KHDRBS2: variants seen among roughly 807,000 people sequenced by gnomAD.
KHDRBS2 encodes KH RNA binding domain containing, signal transduction associated 2, also known as KH domain-containing, RNA-binding, signal transduction-associated protein 2.
KHDRBS2 carries 26 observed loss-of-function variants against 44.3 expected under a neutral mutation model. The observed-to-expected ratio is 0.59, with a 90% CI of 0.43 to 0.81. The LOEUF (loss-of-function observed/expected upper bound fraction) is 0.81. Among genes scored for constraint, KHDRBS2 ranks in the 40% least tolerant of loss-of-function variants. The pLI is 0.00. For synonymous variants in KHDRBS2, 194 were observed against 151.1 expected, an observed-to-expected ratio of 1.28 and a Z score of -2.08; for missense variants, 476 against 433.1, an observed-to-expected ratio of 1.10 and a Z score of -0.88.
intron 1 of KHDRBS2, among the ~76,000 whole-genome samples, chr6:62,237,197 G>A (rs1033578946): frequency 2.6e-5 from 4 of 152,034 alleles, no homozygotes; most frequent in African/African-American, 9.7e-5. Flanking sequence ...AGAAGATAGA[G>A]GCTCTAAAAG....
At chr6:61,796,775 T>C (rs1454849049) in intron 6 of KHDRBS2, among the ~76,000 whole-genome samples, 1 of 152,148 alleles carries the variant, frequency 6.6e-6, no homozygotes, top group Admixed American at 6.6e-5. Flanking sequence ...CTGACAGACA[T>C]TTAAAAGATG....
intron 3 of KHDRBS2, among the ~76,000 whole-genome samples, chr6:62,032,367 A>G (rs1784496677): frequency 6.6e-6 from 1 of 151,942 alleles, no homozygotes; most frequent in Non-Finnish European, 1.5e-5. Context: ...CCTAGACTGT[A>G]TCCTTCTCCC....
intron 4 of KHDRBS2, among the ~76,000 whole-genome samples, chr6:61,928,051 G>T (rs1809303499): frequency 6.6e-6 from 1 of 152,044 alleles, no homozygotes; most frequent in Non-Finnish European, 1.5e-5. Context: ...GGAAATACCT[G>T]CTGGGTTCTG....
At chr6:61,660,883 C>G in the KHDRBS2 span, among the ~76,000 whole-genome samples, 1 of 151,882 alleles carries the variant, frequency 6.6e-6, no homozygotes, top group Non-Finnish European at 1.5e-5. Flanking sequence ...TTCTTCTCCA[C>G]AGAAACTTTT....
intron 8 of KHDRBS2, among the ~76,000 whole-genome samples, chr6:61,695,713 T>A (rs2127543361): frequency 6.6e-6 from 1 of 152,256 alleles, no homozygotes; most frequent in East Asian, 1.9e-4. Flanking sequence ...ATACAAAATA[T>A]CTGTAACTAA....
chr6:61,562,420 A>G, the KHDRBS2 span, among the ~76,000 whole-genome samples: 1 of 152,170 alleles, frequency 6.6e-6, no homozygotes, highest in Non-Finnish European at 1.5e-5. Flanking sequence ...TTCTAGTATA[A>G]AGACTAATAC....
At chr6:62,094,409 A>T (rs558123305) in intron 2 of KHDRBS2, among the ~76,000 whole-genome samples, 2 of 151,854 alleles carry the variant, frequency 1.3e-5, no homozygotes, top group East Asian at 3.9e-4. Flanking sequence ...TGAATTATTT[A>T]AATTCCTTAT....
chr6:62,186,885 C>T (rs374028438), intron 1 of KHDRBS2, among the ~76,000 whole-genome samples: 3 of 151,938 alleles, frequency 2.0e-5, no homozygotes, highest in South Asian at 2.1e-4. Context: ...TACATGTAGT[C>T]GTCCCATTTC....
At chr6:62,030,833 T>A (rs1054890177) in intron 3 of KHDRBS2, among the ~76,000 whole-genome samples, 1 of 152,116 alleles carries the variant, frequency 6.6e-6, no homozygotes, top group South Asian at 2.1e-4. Flanking sequence ...CAAAGACATA[T>A]ATAAATCGTC....
At chr6:62,241,335 T>C (rs931677918) in intron 1 of KHDRBS2, among the ~76,000 whole-genome samples, 2 of 152,200 alleles carry the variant, frequency 1.3e-5, no homozygotes, top group African/African-American at 4.8e-5. Context: ...GTCTTTTTAC[T>C]CTTTTTTATA....
At chr6:62,010,777 A>G (rs1261756202) in intron 3 of KHDRBS2, among the ~76,000 whole-genome samples, 1 of 152,212 alleles carries the variant, frequency 6.6e-6, no homozygotes, top group South Asian at 2.1e-4. Context: ...TAGTTTAAAA[A>G]AACCTCATCT....
chr6:61,956,918 C>CATCATCATCATT (rs1285827612), intron 4 of KHDRBS2, among the ~76,000 whole-genome samples: 1 of 151,528 alleles, frequency 6.6e-6, no homozygotes, highest in Non-Finnish European at 1.5e-5. Flanking sequence ...TCATCATCAT[C>CATCATCATCATT]ATCATCATCA....
At chr6:61,950,841 A>G (rs1035772608) in intron 4 of KHDRBS2, among the ~76,000 whole-genome samples, 1 of 152,060 alleles carries the variant, frequency 6.6e-6, no homozygotes, top group African/African-American at 2.4e-5. Context: ...TAAATATGAA[A>G]TGTACTAAAT....
chr6:62,253,353 T>C (rs1836851553), intron 1 of KHDRBS2, among the ~76,000 whole-genome samples: 1 of 152,028 alleles, frequency 6.6e-6, no homozygotes, highest in Admixed American at 6.6e-5. Context: ...GACTGTCCTC[T>C]ATATGGTCCT....
chr6:61,966,298 T>C (rs1769921936), intron 4 of KHDRBS2, among the ~76,000 whole-genome samples: 1 of 152,088 alleles, frequency 6.6e-6, no homozygotes, highest in South Asian at 2.1e-4. Flanking sequence ...TGAGGCAAAA[T>C]GATCTGTACT....
intron 2 of KHDRBS2, among the ~76,000 whole-genome samples, chr6:62,135,268 G>A (rs1012189396): frequency 2.0e-5 from 3 of 152,096 alleles, no homozygotes; most frequent in Non-Finnish European, 4.4e-5. Flanking sequence ...CCTTTTGCTT[G>A]GCTCTCATTC....
chr6:61,628,210 CTTTTTTTTTTTTT>C, the KHDRBS2 span, among the ~76,000 whole-genome samples: 2 of 82,312 alleles, frequency 2.4e-5, no homozygotes, highest in African/African-American at 5.5e-5. Context: ...CATGTGTAGC[CTTTTTTTTTTTTT>C]TTTTTTTTTT....
At chr6:61,674,671 C>T in the KHDRBS2 span, among the ~76,000 whole-genome samples, 1 of 151,622 alleles carries the variant, frequency 6.6e-6, no homozygotes, top group Non-Finnish European at 1.5e-5. Flanking sequence ...CTATACAATT[C>T]AGTATTTTCA....
rs1357300036 is a variant in KHDRBS2 at position 61,973,690 on chromosome 6, C to T, written c.483+4376G>A. On this transcript the variant is annotated intron_variant, in intron 4 of 8. Transcript: ENST00000281156. The stretch of plus-strand genomic sequence containing the variant: ...TAACAGTTACACACATACACACACA[C>T]GTTTACATAAGTATATAAGTTATAT... 3.3e-5 allele frequency among the ~76,000 whole-genome samples: 5 copies of T among 151,982 alleles called. No homozygotes were observed. In the South Asian group the frequency reaches 1.0e-3, roughly 32 times the overall value.
Sources: gnomAD v4.1 joint callset for allele counts (sites outside exome capture counted in the v4.1 genomes callset) on GRCh38, gnomAD v4.1.1 for gene constraint, MANE v1.5 for transcripts, NCBI Gene and HGNC (gene_info 2026-07-23, HGNC 2026-07-21) for gene names.